ITGAE: variants seen among roughly 807,000 people sequenced by gnomAD.
ITGAE encodes integrin alpha-E.
A neutral mutation model predicts 136.5 loss-of-function variants in ITGAE; 99 were observed. The ratio of observed to expected loss-of-function variants is 0.73; its 90% confidence interval spans 0.62 to 0.86. The LOEUF is 0.86. Ranked by LOEUF, ITGAE falls within the 40% of genes least tolerant of loss-of-function variation. The pLI is 0.00. For missense variants in ITGAE, 1,447 were observed against 1,515.3 expected, an observed-to-expected ratio of 0.95 and a Z score of 0.75; for synonymous variants, 613 against 591.8, an observed-to-expected ratio of 1.04 and a Z score of -0.52.
chr17:3,725,710 AT>A (rs1199479648), intron 26 of ITGAE: 5 of 1,574,142 alleles, frequency 3.2e-6, no homozygotes, highest in Admixed American at 1.8e-5. Flanking sequence ...GACCGGCCTG[AT>A]TTTTTTAAAG....
At position 3,761,603 on chromosome 17, in the gene ITGAE, G is replaced by A. The variant is rs947841526; in HGVS notation, c.316-83C>T. 16 of 1,279,610 alleles carry A rather than the reference G, an allele frequency of 1.3e-5. No individual in the cohort carries two copies. In the South Asian group the frequency reaches 2.2e-4, roughly 18 times the overall value. 79.3% of individuals were successfully genotyped at this position (1,279,610 alleles called of 1,614,324 possible). On this transcript the variant is annotated intron_variant, in intron 4 of 30. Coordinates refer to ENST00000263087, the MANE Select transcript of ITGAE (RefSeq NM_002208.5). ...CAGCCACATTCTCACCCCCATTCCA[G>A]AACTCAGTGGCTCAACCAGGCAGGG...
At chr17:3,740,235 A>T (rs1460059115) in intron 19 of ITGAE, among the ~76,000 whole-genome samples, 1 of 152,212 alleles carries the variant, frequency 6.6e-6, no homozygotes, top group African/African-American at 2.4e-5. Context: ...GGGAGCAGAC[A>T]CCTACGCGAA....
chr17:3,797,229 A>C (rs187341028), intron 1 of ITGAE, among the ~76,000 whole-genome samples: 18,735 of 138,754 alleles, frequency 0.14, 1,662 homozygotes, highest in Middle Eastern at 0.23. Context: ...GCAGTGGCGC[A>C]ATCTCGGCTC....
intron 26 of ITGAE, chr17:3,725,366 T>C (rs1453030093): frequency 6.2e-7 from 1 of 1,614,078 alleles, no homozygotes; most frequent in Admixed American, 1.7e-5. Flanking sequence ...CCTTTAGCCA[T>C]TGCCTTCCCA....
intron 30 of ITGAE, among the ~76,000 whole-genome samples, chr17:3,715,548 T>A (rs964619076): frequency 6.6e-6 from 1 of 152,074 alleles, no homozygotes. Flanking sequence ...ATTTAGGGAA[T>A]AGTTTGACTT....
At chr17:3,796,959 CTG>C (rs2053119648) in intron 1 of ITGAE, among the ~76,000 whole-genome samples, 1 of 151,900 alleles carries the variant, frequency 6.6e-6, no homozygotes, top group African/African-American at 2.4e-5. Flanking sequence ...CGTGGGAGGA[CTG>C]TGCCTCAGAG....
At chr17:3,784,129 G>A (rs898456031) in intron 1 of ITGAE, among the ~76,000 whole-genome samples, 10 of 151,938 alleles carry the variant, frequency 6.6e-5, no homozygotes, top group African/African-American at 4.8e-5. Context: ...GCGTGGTGGC[G>A]GGCGCCTGTA....
intron 16 of ITGAE, among the ~76,000 whole-genome samples, chr17:3,750,019 A>AAAAAAAC (rs760800354): frequency 1.3e-5 from 2 of 152,268 alleles, no homozygotes; most frequent in East Asian, 1.9e-4. Context: ...CCGCCTCAGA[A>AAAAAAAC]AAAAAACAAA....
chr17:3,752,310 C>G (rs963999308), intron 14 of ITGAE, among the ~76,000 whole-genome samples: 1 of 152,188 alleles, frequency 6.6e-6, no homozygotes, highest in Non-Finnish European at 1.5e-5. Context: ...ACACACATGC[C>G]AGGTACACTT....
At chr17:3,785,107 G>T in intron 1 of ITGAE, among the ~76,000 whole-genome samples, 1 of 152,020 alleles carries the variant, frequency 6.6e-6, no homozygotes, top group African/African-American at 2.4e-5. Context: ...AGCCAAGATT[G>T]TATCACTGCA....
rs746282209 is a variant in ITGAE at position 3,719,235 on chromosome 17, C to CA, written c.3333+1071dup. Among the ~76,000 whole-genome samples, 617 of 66,054 alleles carry CA rather than the reference C, an allele frequency of 9.3e-3. 8 individuals are homozygous for CA. The highest frequency in any genetic ancestry group is 0.063 in the East Asian group (93 of 1,486). 43.3% of individuals were successfully genotyped at this position (66,054 alleles called of 152,430 possible). Reference sequence around the variant, plus strand: ...TGGGCGACACAGTGAGATTCTTCCTCAAAAAAAAAAAAAAAAAAAAAGAAA... The same window carrying CA: ...TGGGCGACACAGTGAGATTCTTCCTCAAAAAAAAAAAAAAAAAAAAAAGAAA... On this transcript the variant is annotated intron_variant, in intron 29 of 30. Transcript: ENST00000263087.
At chr17:3,734,781 T>C (rs373303574) in intron 21 of ITGAE, 36 bp downstream of exon 21, 7 of 1,612,622 alleles carry the variant, frequency 4.3e-6, no homozygotes, top group Non-Finnish European at 5.9e-6. Context: ...GGGAGGGGCG[T>C]GAGGGACCTG....
chr17:3,745,952 C>A (rs368230724), intron 17 of ITGAE, 25 bp from the exon 18 acceptor site: 1 of 1,605,320 alleles, frequency 6.2e-7, no homozygotes, highest in South Asian at 1.1e-5. Flanking sequence ...CAGACCTTCC[C>A]GATGAGGTGG....
At position 3,784,450 on chromosome 17, in the gene ITGAE, A is replaced by C. The variant is rs367905944; in HGVS notation, c.35-6790T>G. On this transcript the variant is annotated intron_variant, in intron 1 of 30. Coordinates refer to ENST00000263087, the MANE Select transcript of ITGAE (RefSeq NM_002208.5). ...TGGCTCTGTCACCAGGCTGGAGTGC[A>C]GTGGTGCAATCTTGGCTGACTGCAA... The C allele has an allele frequency of 1.1e-3, 194 of 184,700 alleles. 2 individuals are homozygous for C. Among genetic ancestry groups the C allele is most frequent in the African/African-American group, 4.5e-3 (187 of 41,730 alleles). The allele number at this position is 184,700 out of a possible 1,614,324, so 11.4% of individuals were successfully genotyped here. A position where few individuals can be genotyped will look rare whatever the true frequency, so the allele number is the denominator to read the frequency against.
chr17:3,736,001 G>A (rs573803820), intron 20 of ITGAE, among the ~76,000 whole-genome samples: 3 of 152,120 alleles, frequency 2.0e-5, no homozygotes, highest in Non-Finnish European at 4.4e-5. Flanking sequence ...AAAAGTAGCC[G>A]GGTGTGGTGG....
Position 3,750,286 on chromosome 17 carries a change from C to T in ITGAE, c.2024+66G>A, listed in dbSNP as rs1013468290. 1.9e-6 allele frequency: 3 copies of T among 1,587,266 alleles called. No individual in the cohort carries two copies. In the African/African-American group the frequency reaches 4.0e-5, roughly 21 times the overall value. ...CTCAGTGCCTAATGTCTGCATGGAG[C>T]TATTTAGAGCAGGGCAAATGGGTGA... On this transcript the variant is annotated intron_variant, in intron 16 of 30. Transcript: ENST00000263087.
chr17:3,762,504 G>A (rs1202026987), intron 3 of ITGAE, among the ~76,000 whole-genome samples: 1 of 150,952 alleles, frequency 6.6e-6, no homozygotes, highest in Non-Finnish European at 1.5e-5. Flanking sequence ...TCAGGATACT[G>A]TCTTATTTTT....
chr17:3,780,838 C>T (rs1215691328), intron 1 of ITGAE, among the ~76,000 whole-genome samples: 1 of 151,984 alleles, frequency 6.6e-6, no homozygotes, highest in South Asian at 2.1e-4. Flanking sequence ...GTAGCTGGGA[C>T]CACAGATGCG....
chr17:3,776,199 G>A (rs538987610), intron 2 of ITGAE, among the ~76,000 whole-genome samples: 8 of 150,806 alleles, frequency 5.3e-5, no homozygotes, highest in Admixed American at 2.0e-4. Context: ...CTGGGACTAC[G>A]CGCGTGTACC....
Sources: allele counts gnomAD v4.1 joint callset (sites outside exome capture counted in the v4.1 genomes callset), GRCh38; gene constraint gnomAD v4.1.1; transcripts MANE v1.5; gene names NCBI Gene and HGNC (gene_info 2026-07-23, HGNC 2026-07-21).